The following ARHGEF19 variants were observed in gnomAD, a reference collection of about 807,000 sequenced individuals.
ARHGEF19 encodes the protein Rho guanine nucleotide exchange factor (GEF) 19.
Under a neutral mutation model 87.6 loss-of-function variants are expected in ARHGEF19, and 92 were observed. That is an observed-to-expected ratio of 1.05 (90% confidence interval 0.89 to 1.25). The LOEUF (loss-of-function observed/expected upper bound fraction) is 1.25. ARHGEF19 is among the 50% of genes most tolerant of loss of function. The probability of loss-of-function intolerance (pLI) is 0.00; values close to 1 mark genes in which losing one functional copy is unlikely to be tolerated. For synonymous variants in ARHGEF19, 438 were observed against 446.2 expected (o/e 0.98, Z 0.23); for missense variants, 1,054 against 1,051.8 (o/e 1.00, Z -0.03).
rs1012693064 is a variant in ARHGEF19, at chr1:16,206,788, C to G, written c.1137+160G>C. The stretch of plus-strand genomic sequence containing the variant: ...CTTGCTGTCCTCGCTTCCAGACGGC[C>G]TCGTGTAGTCAGGTCCTAGAGCCAA... On this transcript the variant is annotated intron_variant, in intron 6 of 15. Transcript: ENST00000270747. The surrounding 1 kb of genome is among the most constrained non-coding windows in gnomAD (Gnocchi z 4.6). Among the ~76,000 whole-genome samples, 1 of 152,076 alleles carries G rather than the reference C, an allele frequency of 6.6e-6. No individual in the cohort carries two copies. Among genetic ancestry groups the G allele is most frequent in the Non-Finnish European group, 1.5e-5 (1 of 67,998 alleles).
chr1:16,212,229 C>A (rs556024088), intron 1 of ARHGEF19, among the ~76,000 whole-genome samples: 5 of 152,296 alleles, frequency 3.3e-5, no homozygotes, highest in African/African-American at 1.2e-4. Context: ...GCCTCCTGTA[C>A]CTAGCTTTTC....
At chr1:16,204,944 C>T (rs374912736) in intron 11 of ARHGEF19, 25 bp from the exon 12 acceptor site, 3 of 1,589,944 alleles carry the variant, frequency 1.9e-6, no homozygotes, top group African/African-American at 2.7e-5. Flanking sequence ...AAGGATGGGT[C>T]AGGCCCAGGG....
At chr1:16,202,383 A>T (rs1277906896) in intron 13 of ARHGEF19, 33 bp downstream of exon 13, 2 of 1,567,668 alleles carry the variant, frequency 1.3e-6, no homozygotes, top group Non-Finnish European at 1.7e-6. Flanking sequence ...GGGGAGGGGG[A>T]GCCTCCTCTC....
chr1:16,200,412 T>A (rs1333867341), intron 14 of ARHGEF19, among the ~76,000 whole-genome samples: 1 of 152,242 alleles, frequency 6.6e-6, no homozygotes, highest in East Asian at 1.9e-4. Context: ...TCTTTCCCTT[T>A]ACTACCTAAA....
intron 14 of ARHGEF19, among the ~76,000 whole-genome samples, chr1:16,201,173 G>A (rs550081364): frequency 1.3e-5 from 2 of 152,212 alleles, no homozygotes; most frequent in East Asian, 3.9e-4. Context: ...AGTGATCCAT[G>A]ATCATGCCAC....
rs1383689204 is a variant in ARHGEF19 at position 16,202,450 on chromosome 1, T to C, written c.2032A>G (p.Met678Val). Residue 678 changes from methionine to valine, a missense_variant, in exon 13 of 16, where the codon ATG (methionine) becomes GTG (valine). By Grantham distance (21) the Met-to-Val change is conservative. Transcript: ENST00000270747. ...GCCCGCAGCAGGAACTGGTGCTTCA[T>C]GTGCTGCCCGTGGAGGAGCTGGAGG... ...FLLQLLHGQH[M>V]KHQFLLRART... The C allele has an allele frequency of 1.9e-6, 3 of 1,613,998 alleles. No individual in the cohort carries two copies. The highest frequency in any genetic ancestry group is 1.3e-5 in the African/African-American group (1 of 74,952).
chr1:16,204,634 G>A, intron 12 of ARHGEF19, 125 bp downstream of exon 12: 2 of 1,197,432 alleles, frequency 1.7e-6, no homozygotes, highest in Non-Finnish European at 2.2e-6. Context: ...AGGGTGCCCT[G>A]GCAGCATACC....
intron 1 of ARHGEF19, among the ~76,000 whole-genome samples, chr1:16,211,813 T>C (rs1028780090): frequency 6.6e-6 from 1 of 152,186 alleles, no homozygotes; most frequent in Non-Finnish European, 1.5e-5. Context: ...GAAAGAGAAC[T>C]GGCCCCAGAC....
chr1:16,205,001 C>A lies in ARHGEF19; in HGVS notation c.1747-82G>T. The A allele has an allele frequency of 6.4e-7, 1 of 1,561,276 alleles. No homozygotes were observed. Among genetic ancestry groups the A allele is most frequent in the Non-Finnish European group, 8.7e-7 (1 of 1,151,882 alleles). On this transcript the variant is annotated intron_variant, in intron 11 of 15. Coordinates refer to ENST00000270747, the MANE Select transcript of ARHGEF19 (RefSeq NM_153213.5). This position sits in a 1 kb window ranked among gnomAD's most constrained non-coding sequence, Gnocchi z 5.8. ...ATGGTAGATGGGAGGGTGTGGGCAG[C>A]GATTAACTGGCCTGAAGCCCCCAGG... is the stretch of plus-strand genomic sequence containing the variant.
In ARHGEF19 at chr1:16,206,651, T is replaced by C. The variant is rs2081139056; in HGVS notation, c.1137+297A>G. 2.6e-6 allele frequency: 1 copy of C among 382,650 alleles called. No homozygotes were observed. The highest frequency in any genetic ancestry group is 2.5e-5 in the South Asian group (1 of 40,690). The allele number at this position is 382,650 out of a possible 1,614,324, so 23.7% of individuals were successfully genotyped here. A position where few individuals can be genotyped will look rare whatever the true frequency, so the allele number is the denominator to read the frequency against. On this transcript the variant is annotated intron_variant, in intron 6 of 15. Coordinates refer to ENST00000270747, the MANE Select transcript of ARHGEF19 (RefSeq NM_153213.5). This position sits in a 1 kb window ranked among gnomAD's most constrained non-coding sequence, Gnocchi z 4.6. Reference sequence around the variant, plus strand: ...TGTTCCGCGCCCACCAGGCGTTTGCTCTTCCAATGGTTCCGCTCCTCATCC... The same window carrying C: ...TGTTCCGCGCCCACCAGGCGTTTGCCCTTCCAATGGTTCCGCTCCTCATCC...
In ARHGEF19 at chr1:16,206,804, C is replaced by G; in HGVS notation, c.1137+144G>C. On this transcript the variant is annotated intron_variant, in intron 6 of 15. Coordinates refer to ENST00000270747, the MANE Select transcript of ARHGEF19 (RefSeq NM_153213.5). This position sits in a 1 kb window ranked among gnomAD's most constrained non-coding sequence, Gnocchi z 4.6. ...CCAGACGGCCTCGTGTAGTCAGGTC[C>G]TAGAGCCAACCTTCCGCGCGGACAG... 1 of 1,120,124 alleles carries G rather than the reference C, an allele frequency of 8.9e-7. No individual in the cohort carries two copies. The highest frequency in any genetic ancestry group is 1.2e-6 in the Non-Finnish European group (1 of 837,690). The allele number at this position is 1,120,124 out of a possible 1,614,324, so 69.4% of individuals were successfully genotyped here.
rs757290370 is a variant in ARHGEF19, at chr1:16,208,781, C to G, written c.274G>C (p.Gly92Arg). The change falls in exon 2 of 16, where the codon GGG becomes CGG. Residue 92 changes from glycine (G) to arginine (R), a missense_variant. Physicochemically the swap from Gly to Arg is moderately radical, Grantham distance 125 (BLOSUM62 -2). Coordinates refer to ENST00000270747, the MANE Select transcript of ARHGEF19 (RefSeq NM_153213.5). ...CCAGCCCTGCTGGGCCGCATCCCCC[C>G]GCTGGTGATCTCTGTATCTGAGCCT... is the stretch of plus-strand genomic sequence containing the variant. ...PGGSDTEITS[G>R]GMRPSRAGSW... The G allele has an allele frequency of 8.7e-6, 14 of 1,613,298 alleles. No individual in the cohort carries two copies. The African/African-American group carries it at 1.5e-4, about 17-fold the overall frequency.
At position 16,205,558 on chromosome 1, in the gene ARHGEF19, G is replaced by C. The variant is rs746060935; in HGVS notation, c.1561C>G (p.Arg521Gly). ...FLILPFQRITRLKMLVENILK... is the reference protein window; with the variant it reads ...FLILPFQRITGLKMLVENILK... ...GGTACCTCCACCAACATCTTGAGGCGGGTGATCCTCTGGAAGGGCAGGATA... is the reference window on the plus strand; with the variant it reads ...GGTACCTCCACCAACATCTTGAGGCCGGTGATCCTCTGGAAGGGCAGGATA... The change falls in exon 9 of 16, where the codon CGC becomes GGC. Residue 521 changes from arginine to glycine, a missense_variant. Transcript: ENST00000270747. This position sits in a 1 kb window ranked among gnomAD's most constrained non-coding sequence, Gnocchi z 5.8. 5.0e-6 allele frequency: 8 copies of C among 1,613,912 alleles called. No individual in the cohort carries two copies. Among genetic ancestry groups the C allele is most frequent in the South Asian group, 1.1e-5 (1 of 91,088 alleles).
At position 16,206,427 on chromosome 1, in the gene ARHGEF19, A is replaced by G; in HGVS notation, c.1138-87T>C. 1 of 1,447,626 alleles carries G rather than the reference A, an allele frequency of 6.9e-7. No homozygotes were observed. The highest frequency in any genetic ancestry group is 9.5e-7 in the Non-Finnish European group (1 of 1,054,688). 89.7% of individuals were successfully genotyped at this position (1,447,626 alleles called of 1,614,324 possible). The stretch of plus-strand genomic sequence containing the variant: ...TCACATCCCCAGACCCCAGGACGCC[A>G]CACCTCGCGTCCTCGCCCCTTCTCT... On this transcript the variant is annotated intron_variant, in intron 6 of 15. Coordinates refer to ENST00000270747, the MANE Select transcript of ARHGEF19 (RefSeq NM_153213.5). The surrounding 1 kb of genome is among the most constrained non-coding windows in gnomAD (Gnocchi z 4.6).
chr1:16,199,733 G>A (rs2081069816), intron 14 of ARHGEF19, among the ~76,000 whole-genome samples: 1 of 152,060 alleles, frequency 6.6e-6, no homozygotes, highest in South Asian at 2.1e-4. Flanking sequence ...AGTCCTCTTA[G>A]AATAAAATCC....
intron 14 of ARHGEF19, among the ~76,000 whole-genome samples, chr1:16,199,898 C>T (rs2081070855): frequency 6.6e-6 from 1 of 152,152 alleles, no homozygotes; most frequent in Non-Finnish European, 1.5e-5. Context: ...CACAAAGCTC[C>T]AGCCACACCA....
Position 16,208,889 on chromosome 1 carries a change from C to G in ARHGEF19, c.166G>C (p.Glu56Gln), listed in dbSNP as rs12048007. ...VCLDLFPVAP[E>Q]ELRAPGSRWS... ...CGGCTGCCAGGAGCCCGAAGCTCCT[C>G]TGGGGCAACAGGGAAAAGGTCCAGA... is the stretch of plus-strand genomic sequence containing the variant. Residue 56 changes from glutamate (E) to glutamine (Q), a missense_variant, in exon 2 of 16, where the codon GAG becomes CAG. Transcript: ENST00000270747. 2.0e-5 allele frequency: 32 copies of G among 1,602,206 alleles called. No individual in the cohort carries two copies. Among genetic ancestry groups the G allele is most frequent in the Non-Finnish European group, 2.7e-5 (32 of 1,176,268 alleles).
In ARHGEF19 at chr1:16,205,599, G is replaced by A. The variant is rs1392282430; in HGVS notation, c.1520C>T (p.Pro507Leu). The change falls in exon 9 of 16, where the codon CCC (proline) becomes CTC (leucine). Residue 507 changes from proline to leucine, a missense_variant. Pro to Leu is a moderately conservative substitution (Grantham distance 98, BLOSUM62 -3). Transcript: ENST00000270747. This position sits in a 1 kb window ranked among gnomAD's most constrained non-coding sequence, Gnocchi z 5.8. The stretch of plus-strand genomic sequence containing the variant: ...GGGCAGGATAAGGAAGGAGGTAAGG[G>A]GCAGACGCTGGCACACAGGAGACTC... ...LEESPVCQRL[P>L]LTSFLILPFQ... 6.2e-7 allele frequency: 1 copy of A among 1,613,962 alleles called. No individual in the cohort carries two copies. The highest frequency in any genetic ancestry group is 1.1e-5 in the South Asian group (1 of 91,068).
intron 14 of ARHGEF19, among the ~76,000 whole-genome samples, chr1:16,199,678 G>A (rs2081069351): frequency 6.8e-6 from 1 of 147,584 alleles, no homozygotes; most frequent in African/African-American, 2.5e-5. Flanking sequence ...TCCCAACTGG[G>A]ATTCAAGCTG....
Sources: allele counts gnomAD v4.1 joint callset (sites outside exome capture counted in the v4.1 genomes callset), GRCh38; gene constraint gnomAD v4.1.1; non-coding constraint Gnocchi (gnomAD v3.1); transcripts MANE v1.5; gene names NCBI Gene and HGNC (gene_info 2026-07-23, HGNC 2026-07-21).